The following MYLK variants were observed in gnomAD, a reference collection of about 807,000 sequenced individuals.
MYLK encodes the protein myosin light chain kinase, also known as myosin light chain kinase, smooth muscle.
A neutral mutation model predicts 203.4 loss-of-function variants in MYLK; 106 were observed. That is an observed-to-expected ratio of 0.52 (90% CI 0.45 to 0.61). MYLK has a LOEUF of 0.61. Ranked by LOEUF, MYLK falls within the 20% of genes least tolerant of loss-of-function variation. The probability of loss-of-function intolerance (pLI) is 0.00; values close to 1 mark genes in which losing one functional copy is unlikely to be tolerated. For missense variants in MYLK, 2,072 were observed against 2,442.3 expected, an observed-to-expected ratio of 0.85 and a Z score of 3.20; for synonymous variants, 867 against 959.5, an observed-to-expected ratio of 0.90 and a Z score of 1.78.
At chr3:123,812,561 G>A (rs571686038) in intron 3 of MYLK, among the ~76,000 whole-genome samples, 1 of 152,306 alleles carries the variant, frequency 6.6e-6, no homozygotes, top group South Asian at 2.1e-4. Context: ...GTGTCCAGGT[G>A]CCAAAAGGTA....
chr3:123,656,146 C>A lies in MYLK; in HGVS notation c.4288+980G>T, dbSNP rs79684734. Among the ~76,000 whole-genome samples, 539 of 152,300 alleles carry A rather than the reference C, an allele frequency of 3.5e-3. 14 individuals are homozygous for A. In the East Asian group the frequency reaches 0.062, roughly 17 times the overall value. On this transcript the variant is annotated intron_variant, in intron 24 of 33. Coordinates refer to ENST00000360304, the MANE Select transcript of MYLK (RefSeq NM_053025.4). Reference sequence around the variant, plus strand: ...CTCATCTCCTCTGACCCACCCACCACTCCAGTGCTTCTCAAATGTTCGTGT... The same window carrying A: ...CTCATCTCCTCTGACCCACCCACCAATCCAGTGCTTCTCAAATGTTCGTGT...
chr3:123,708,916 G>T, intron 14 of MYLK, 21 bp from the exon 15 acceptor site: 1 of 1,611,900 alleles, frequency 6.2e-7, no homozygotes, highest in South Asian at 1.1e-5. Flanking sequence ...AGGAGGGGAA[G>T]GGGGATTGGT....
chr3:123,636,099 G>T (rs1462736396), intron 29 of MYLK, among the ~76,000 whole-genome samples: 1 of 152,212 alleles, frequency 6.6e-6, no homozygotes, highest in Non-Finnish European at 1.5e-5. Flanking sequence ...TTGGTTTCTT[G>T]ATCCGGGTAG....
chr3:123,734,024 T>C lies in MYLK; in HGVS notation c.972A>G (p.Ser324=). Residue 324 remains serine, a synonymous_variant, in exon 10 of 34, where the codon TCA becomes TCG. Coordinates refer to ENST00000360304, the MANE Select transcript of MYLK (RefSeq NM_053025.4). ...PQPPRESKLE[S]CKDSPRTAPQ... is the part of the protein sequence containing the mutation. ...GGGCCGTTCTGGGCGAGTCCTTGCA[T>C]GACTCCAGCTTGGACTCCCTTGGGG... 1.2e-6 allele frequency: 2 copies of C among 1,614,210 alleles called. No individual in the cohort carries two copies. Among genetic ancestry groups the C allele is most frequent in the Non-Finnish European group, 1.7e-6 (2 of 1,180,034 alleles).
chr3:123,878,675 A>ATGCT (rs778338728), intron 1 of MYLK, among the ~76,000 whole-genome samples: 2 of 152,126 alleles, frequency 1.3e-5, no homozygotes, highest in Non-Finnish European at 2.9e-5. Flanking sequence ...ACTCTGGCTG[A>ATGCT]TGCTGGCTCT....
At chr3:123,816,135 C>T (rs1285864871) in intron 3 of MYLK, among the ~76,000 whole-genome samples, 1 of 152,260 alleles carries the variant, frequency 6.6e-6, no homozygotes, top group Non-Finnish European at 1.5e-5. Context: ...GGTGGGAGCA[C>T]TGGTGTGCAC....
intron 31 of MYLK, among the ~76,000 whole-genome samples, chr3:123,626,051 C>T (rs901579376): frequency 1.3e-5 from 2 of 152,076 alleles, no homozygotes; most frequent in Non-Finnish European, 2.9e-5. Flanking sequence ...CTTTTCTCTG[C>T]CTCAATTTTG....
chr3:123,783,971 A>G (rs1161733219), intron 4 of MYLK, among the ~76,000 whole-genome samples: 1 of 152,192 alleles, frequency 6.6e-6, no homozygotes, highest in East Asian at 1.9e-4. Context: ...TCCAATGCCT[A>G]CAGAGGCTGG....
At chr3:123,858,864 A>G (rs944118388) in intron 2 of MYLK, among the ~76,000 whole-genome samples, 2 of 152,286 alleles carry the variant, frequency 1.3e-5, no homozygotes, top group Middle Eastern at 3.4e-3. Flanking sequence ...GTTCACTCAT[A>G]TTAACAGCTC....
intron 12 of MYLK, among the ~76,000 whole-genome samples, chr3:123,723,218 G>A (rs912449918): frequency 1.3e-5 from 2 of 151,926 alleles, no homozygotes; most frequent in African/African-American, 4.8e-5. Context: ...GTGGGGAAGG[G>A]AGACAGTACA....
At chr3:123,683,313 T>G (rs1267067656) in intron 19 of MYLK, among the ~76,000 whole-genome samples, 1 of 151,848 alleles carries the variant, frequency 6.6e-6, no homozygotes, top group Non-Finnish European at 1.5e-5. Context: ...GGGGGGACTT[T>G]CCAGCAGAGG....
chr3:123,837,177 C>A (rs1193765685), intron 2 of MYLK, among the ~76,000 whole-genome samples: 1 of 152,094 alleles, frequency 6.6e-6, no homozygotes, highest in East Asian at 1.9e-4. Context: ...GGGTTACAGG[C>A]ATGCACCACC....
At chr3:123,862,436 A>C (rs2032004064) in intron 2 of MYLK, among the ~76,000 whole-genome samples, 1 of 152,202 alleles carries the variant, frequency 6.6e-6, no homozygotes. Flanking sequence ...TCTGTTTTAC[A>C]GATGAGGAAA....
intron 11 of MYLK, among the ~76,000 whole-genome samples, chr3:123,728,703 C>T (rs1576760153): frequency 6.6e-6 from 1 of 152,128 alleles, no homozygotes; most frequent in South Asian, 2.1e-4. Context: ...CTCTGAAAAC[C>T]GACAGTACCT....
intron 4 of MYLK, among the ~76,000 whole-genome samples, chr3:123,773,503 G>C (rs888386234): frequency 7.2e-5 from 11 of 152,342 alleles, no homozygotes; most frequent in African/African-American, 2.6e-4. Flanking sequence ...GAGACTGGCA[G>C]TGACTAAATG....
rs532338903 is a variant in MYLK, at chr3:123,879,275, T to C, written c.-185-2658A>G. Among the ~76,000 whole-genome samples, 12 of 152,226 alleles carry C rather than the reference T, an allele frequency of 7.9e-5. 1 individual carries two copies. In the South Asian group the frequency reaches 2.5e-3, roughly 32 times the overall value. On this transcript the variant is annotated intron_variant, in intron 1 of 33. Transcript: ENST00000360304. ...CAGCAGAGGGAAAACAAGGCCAGAA[T>C]GAAAACCACCCCCAAAATAAACCTC...
At chr3:123,872,735 C>A (rs2032884486) in intron 2 of MYLK, among the ~76,000 whole-genome samples, 1 of 152,130 alleles carries the variant, frequency 6.6e-6, no homozygotes. Flanking sequence ...AGCACCTTGC[C>A]AGCATCTCAG....
At chr3:123,698,747 T>C in intron 18 of MYLK, 1 of 163,330 alleles carries the variant, frequency 6.1e-6, no homozygotes, top group Admixed American at 6.0e-5. Flanking sequence ...AGCGCTGAGA[T>C]TCAATATACT....
chr3:123,875,593 A>G (rs1422703890), intron 2 of MYLK, among the ~76,000 whole-genome samples: 1 of 152,178 alleles, frequency 6.6e-6, no homozygotes, highest in Non-Finnish European at 1.5e-5. Flanking sequence ...ACTTCCTCAT[A>G]ATTATGTATT....
Sources: gnomAD v4.1 joint callset for allele counts (sites outside exome capture counted in the v4.1 genomes callset) on GRCh38, gnomAD v4.1.1 for gene constraint, MANE v1.5 for transcripts, NCBI Gene and HGNC (gene_info 2026-07-23, HGNC 2026-07-21) for gene names.